Variants in PEX7 observed in about 807,000 individuals in gnomAD.
PEX7 encodes the protein peroxisomal biogenesis factor 7, also known as PTS2 receptor.
A neutral mutation model predicts 47.5 loss-of-function variants in PEX7; 34 were observed. The ratio of observed to expected loss-of-function variants is 0.72; its 90% CI spans 0.54 to 0.95. The LOEUF is 0.95. Among genes scored for constraint, PEX7 ranks in the 40% least tolerant of loss-of-function variants. The pLI is 0.00. For synonymous variants in PEX7, 141 were observed against 148.8 expected (o/e 0.95, Z 0.38); for missense variants, 394 against 400.3 (o/e 0.98, Z 0.13).
intron 9 of PEX7, 146 bp from the exon 10 acceptor site, chr6:136,913,312 A>C (rs1323070488): frequency 4.5e-6 from 3 of 662,582 alleles, no homozygotes; most frequent in African/African-American, 3.6e-5. Context: ...CCTTTTATCA[A>C]AAACGTAGCC....
chr6:136,875,758 T>C (rs1039628089), intron 8 of PEX7, among the ~76,000 whole-genome samples: 5 of 152,226 alleles, frequency 3.3e-5, no homozygotes, highest in Non-Finnish European at 5.9e-5. Context: ...AGTGGTATGT[T>C]AAAATCTCCT....
At chr6:136,832,054 C>T (rs116291227) in intron 3 of PEX7, among the ~76,000 whole-genome samples, 76 of 152,372 alleles carry the variant, frequency 5.0e-4, no homozygotes, top group African/African-American at 1.8e-3. Context: ...TCCTTCTGTA[C>T]TGCCCTAGCA....
chr6:136,826,487 C>T lies in PEX7; in HGVS notation c.339+18C>T. ...CTCAGGAGGTAGGAGGGAAATCTTT[C>T]TGGGCTGATTATTTTTCTTTCTTCG... On this transcript the variant is annotated intron_variant, in intron 3 of 9. Coordinates refer to ENST00000318471, the MANE Select transcript of PEX7 (RefSeq NM_000288.4). 3.1e-6 allele frequency: 5 copies of T among 1,613,738 alleles called. No homozygotes were observed. Among genetic ancestry groups the T allele is most frequent in the Non-Finnish European group, 4.2e-6 (5 of 1,179,958 alleles).
In PEX7 at chr6:136,846,282, A is replaced by G. The variant is rs551220168; in HGVS notation, c.526+101A>G. 1.7e-5 allele frequency: 10 copies of G among 599,268 alleles called. No homozygotes were observed. The East Asian group carries it at 2.8e-4, about 17-fold the overall frequency. 37.1% of individuals were successfully genotyped at this position (599,268 alleles called of 1,614,324 possible). A position where few individuals can be genotyped will look rare whatever the true frequency, so the allele number is the denominator to read the frequency against. ...TGTACCTTAGCTTCAGAGAGAAAAC[A>G]GGAGAATATTACTATTCTTTTGTGT... On this transcript the variant is annotated intron_variant, in intron 5 of 9. Transcript: ENST00000318471.
chr6:136,877,112 T>A (rs562808463), intron 8 of PEX7, among the ~76,000 whole-genome samples: 38 of 152,344 alleles, frequency 2.5e-4, no homozygotes, highest in African/African-American at 8.7e-4. Context: ...TTTTTTCATA[T>A]GTTTGTTGGC....
intron 3 of PEX7, among the ~76,000 whole-genome samples, chr6:136,837,319 G>A (rs188333156): frequency 1.3e-4 from 17 of 131,410 alleles, no homozygotes; most frequent in East Asian, 4.8e-4. Context: ...CCAAGATCGC[G>A]CCACTGCACT....
At chr6:136,911,861 G>A (rs536615535) in intron 9 of PEX7, among the ~76,000 whole-genome samples, 3 of 152,254 alleles carry the variant, frequency 2.0e-5, no homozygotes, top group African/African-American at 7.2e-5. Flanking sequence ...GGTAAGAAAC[G>A]GCCAAATTGT....
chr6:136,860,599 A>G (rs1375288737), intron 5 of PEX7, among the ~76,000 whole-genome samples: 4 of 151,500 alleles, frequency 2.6e-5, no homozygotes, highest in Non-Finnish European at 4.4e-5. Flanking sequence ...GCACACCAAC[A>G]TGGCACATGT....
intron 9 of PEX7, among the ~76,000 whole-genome samples, chr6:136,907,834 C>T (rs116401299): frequency 3.0e-4 from 45 of 152,114 alleles, no homozygotes; most frequent in African/African-American, 1.0e-3. Flanking sequence ...AAATTTTACA[C>T]GTATTTAAAG....
At chr6:136,831,179 G>A (rs530808861) in intron 3 of PEX7, among the ~76,000 whole-genome samples, 2 of 152,306 alleles carry the variant, frequency 1.3e-5, no homozygotes, top group African/African-American at 4.8e-5. Flanking sequence ...CATGACTGGG[G>A]AGGCCTCAGG....
rs532332419 is a variant in PEX7, at chr6:136,913,673, G to A, written c.*147G>A. The stretch of plus-strand genomic sequence containing the variant: ...CAATTTACCCTGGAATCAGTTTTGA[G>A]GGAGCTGATAAAGACTTTAGCTGAC... On this transcript the variant is annotated 3_prime_UTR_variant, in exon 10 of 10. Coordinates refer to ENST00000318471, the MANE Select transcript of PEX7 (RefSeq NM_000288.4). The A allele has an allele frequency of 5.9e-5, 42 of 706,082 alleles. No individual in the cohort carries two copies. Among genetic ancestry groups the A allele is most frequent in the Non-Finnish European group, 1.0e-4 (40 of 392,854 alleles). The allele number at this position is 706,082 out of a possible 1,614,324, so 43.7% of individuals were successfully genotyped here.
At chr6:136,833,063 C>T (rs1774322749) in intron 3 of PEX7, among the ~76,000 whole-genome samples, 1 of 152,076 alleles carries the variant, frequency 6.6e-6, no homozygotes, top group South Asian at 2.1e-4. Flanking sequence ...ATCCTGGTAC[C>T]AATTCTCTAT....
At chr6:136,864,241 A>AATAT (rs1775017482) in intron 5 of PEX7, among the ~76,000 whole-genome samples, 1 of 19,942 alleles carries the variant, frequency 5.0e-5, no homozygotes, top group African/African-American at 2.6e-4. Context: ...GGAAGCACTC[A>AATAT]AATATTAACT....
At chr6:136,848,791 G>A (rs556340594) in intron 5 of PEX7, among the ~76,000 whole-genome samples, 2 of 152,276 alleles carry the variant, frequency 1.3e-5, no homozygotes, top group South Asian at 4.2e-4. Flanking sequence ...TGTTCATCAG[G>A]GATATTGGTC....
At position 136,825,196 on chromosome 6, in the gene PEX7, G is replaced by A. The variant is rs762857800; in HGVS notation, c.131-18G>A. On this transcript the variant is annotated intron_variant, in intron 1 of 9. Coordinates refer to ENST00000318471, the MANE Select transcript of PEX7 (RefSeq NM_000288.4). ...CTGGCAGGTTCAAAGGGATGACCTT[G>A]ATTTTTTTTCTCTTTAGGCTGTGGA... 2 of 1,610,762 alleles carry A rather than the reference G, an allele frequency of 1.2e-6. No individual in the cohort carries two copies. The highest frequency in any genetic ancestry group is 1.7e-6 in the Non-Finnish European group (2 of 1,177,032).
intron 5 of PEX7, among the ~76,000 whole-genome samples, chr6:136,855,247 C>G (rs1477701265): frequency 6.6e-6 from 1 of 152,038 alleles, no homozygotes; most frequent in East Asian, 1.9e-4. Flanking sequence ...ATTCCTTGAA[C>G]AATTGATAGG....
At chr6:136,848,288 A>G (rs556303759) in intron 5 of PEX7, among the ~76,000 whole-genome samples, 1 of 152,296 alleles carries the variant, frequency 6.6e-6, no homozygotes, top group African/African-American at 2.4e-5. Context: ...TCATCTGCAA[A>G]CAGGGACAAT....
In PEX7 at chr6:136,888,795, T is replaced by G. The variant is rs77900814; in HGVS notation, c.804-9347T>G. Among the ~76,000 whole-genome samples the G allele has an allele frequency of 3.4e-3, 520 of 152,244 alleles. 9 individuals are homozygous for G. The South Asian group carries it at 0.041, about 12-fold the overall frequency. On this transcript the variant is annotated intron_variant, in intron 8 of 9. Coordinates refer to ENST00000318471, the MANE Select transcript of PEX7 (RefSeq NM_000288.4). ...GACTGTAGAAGCTCAAACATTTGTATTTTAATGTGGTTTCCACTTTAAATA... is the reference window on the plus strand; with the variant it reads ...GACTGTAGAAGCTCAAACATTTGTAGTTTAATGTGGTTTCCACTTTAAATA...
intron 3 of PEX7, among the ~76,000 whole-genome samples, chr6:136,836,932 A>G (rs1238885068): frequency 2.6e-5 from 4 of 152,160 alleles, no homozygotes; most frequent in African/African-American, 7.2e-5. Context: ...AGCCTGGGCA[A>G]CAGAGTGAGA....
Sources: allele counts gnomAD v4.1 joint callset (sites outside exome capture counted in the v4.1 genomes callset), GRCh38; gene constraint gnomAD v4.1.1; transcripts MANE v1.5; gene names NCBI Gene and HGNC (gene_info 2026-07-23, HGNC 2026-07-21).